The following LRBA variants were observed in gnomAD, a reference collection of about 807,000 sequenced individuals.
LRBA encodes the protein LPS responsive beige-like anchor protein.
In LRBA, 176 loss-of-function variants were observed where a neutral mutation model predicts 330.0. The observed-to-expected ratio is 0.53, with a 90% CI of 0.47 to 0.60. The LOEUF is 0.60. Among genes scored for constraint, LRBA ranks in the 20% least tolerant of loss-of-function variants. LRBA has a pLI of 0.00. For synonymous variants in LRBA, 1,230 were observed against 1,193.0 expected (o/e 1.03, Z -0.64); for missense variants, 3,259 against 3,444.8 (o/e 0.95, Z 1.35).
intron 37 of LRBA, among the ~76,000 whole-genome samples, chr4:150,641,346 A>C (rs1189577196): frequency 6.6e-6 from 1 of 152,044 alleles, no homozygotes; most frequent in Non-Finnish European, 1.5e-5. Context: ...CACTCTCTTC[A>C]TATTCTAACT....
intron 2 of LRBA, among the ~76,000 whole-genome samples, chr4:150,973,295 G>A (rs1471628102): frequency 1.3e-5 from 2 of 152,132 alleles, no homozygotes; most frequent in South Asian, 2.1e-4. Context: ...CGCCTCCCGA[G>A]TAGCTGGGAT....
intron 2 of LRBA, among the ~76,000 whole-genome samples, chr4:150,937,313 A>G (rs1420629969): frequency 6.6e-6 from 1 of 152,132 alleles, no homozygotes; most frequent in Non-Finnish European, 1.5e-5. Flanking sequence ...ATCAACCTTC[A>G]AAACACAAAT....
intron 47 of LRBA, among the ~76,000 whole-genome samples, chr4:150,377,465 C>A (rs565790954): frequency 6.6e-6 from 1 of 151,960 alleles, no homozygotes; most frequent in East Asian, 1.9e-4. Flanking sequence ...ATTAAAGGAC[C>A]CTTATACTAT....
chr4:150,840,870 G>A (rs1748969785), intron 28 of LRBA: 16 of 960,064 alleles, frequency 1.7e-5, no homozygotes, highest in Non-Finnish European at 2.0e-5. Context: ...AGAAACTAAT[G>A]GTAAAAATGA....
chr4:150,906,181 G>A (rs1384442861), intron 12 of LRBA, 116 bp downstream of exon 12: 6 of 834,066 alleles, frequency 7.2e-6, no homozygotes, highest in African/African-American at 6.8e-5. Context: ...TTTTAGTTTA[G>A]GTAATTTTCT....
At chr4:150,667,616 C>T (rs1195233253) in intron 37 of LRBA, among the ~76,000 whole-genome samples, 2 of 152,078 alleles carry the variant, frequency 1.3e-5, no homozygotes, top group African/African-American at 4.8e-5. Flanking sequence ...GGTAGGGTCC[C>T]TTAGTCAGTA....
chr4:150,877,501 C>A (rs1248473886), intron 17 of LRBA, among the ~76,000 whole-genome samples: 2 of 152,068 alleles, frequency 1.3e-5, no homozygotes, highest in East Asian at 1.9e-4. Context: ...TATATATGCA[C>A]CCAATAGTAG....
chr4:150,545,795 G>A (rs1255702037), intron 40 of LRBA, among the ~76,000 whole-genome samples: 1 of 152,106 alleles, frequency 6.6e-6, no homozygotes, highest in Non-Finnish European at 1.5e-5. Flanking sequence ...TTTAACTCAT[G>A]CTAGGAAAGT....
intron 2 of LRBA, among the ~76,000 whole-genome samples, chr4:150,933,892 G>T (rs1734779143): frequency 6.6e-6 from 1 of 151,964 alleles, no homozygotes; most frequent in Non-Finnish European, 1.5e-5. Context: ...GGGTGTGGTG[G>T]CATGTGGCTG....
intron 34 of LRBA, among the ~76,000 whole-genome samples, chr4:150,790,133 T>C (rs188853235): frequency 8.0e-4 from 122 of 152,298 alleles, no homozygotes; most frequent in Admixed American, 5.2e-3. Flanking sequence ...AAGTGCCAGT[T>C]GATATTACTT....
rs188000514 is a variant in LRBA at position 150,900,220 on chromosome 4, A to G, written c.1756-3T>C. ...TAAGTATAGAGCATCAGTTGAACCT[A>G]CAGAATAAAAATGAAGAACTTAGAG... On this transcript the variant is annotated splice_region_variant and splice_polypyrimidine_tract_variant and intron_variant, in intron 13 of 56. Transcript: ENST00000651943. The G allele has an allele frequency of 8.1e-6, 13 of 1,601,542 alleles. No homozygotes were observed. The highest frequency in any genetic ancestry group is 2.7e-5 in the African/African-American group (2 of 74,684).
intron 47 of LRBA, among the ~76,000 whole-genome samples, chr4:150,406,155 A>G (rs560777068): frequency 1.3e-5 from 2 of 152,158 alleles, no homozygotes; most frequent in East Asian, 3.8e-4. Flanking sequence ...TAGACCAGAA[A>G]TATTATTTAA....
intron 24 of LRBA, 45 bp downstream of exon 24, chr4:150,850,676 TAAA>T (rs765622995): frequency 8.8e-7 from 1 of 1,138,254 alleles, no homozygotes; most frequent in Non-Finnish European, 1.2e-6. Flanking sequence ...TCTTTGAAAA[TAAA>T]GACTAGGTTT....
At chr4:150,386,273 G>A (rs536690810) in intron 47 of LRBA, among the ~76,000 whole-genome samples, 8 of 151,968 alleles carry the variant, frequency 5.3e-5, no homozygotes, top group Non-Finnish European at 8.8e-5. Context: ...TTTCATTAAT[G>A]TTTTCTAAAT....
rs117382726 is a variant in LRBA, at chr4:150,815,960, T to C, written c.5305+1164A>G. Reference sequence around the variant, plus strand: ...TACATTTAAAACTTCTTATAAAATGTATTTTTGTTAACACAAGCACAATAA... The same window carrying C: ...TACATTTAAAACTTCTTATAAAATGCATTTTTGTTAACACAAGCACAATAA... On this transcript the variant is annotated intron_variant, in intron 31 of 56. Coordinates refer to ENST00000651943, the MANE Select transcript of LRBA (RefSeq NM_001364905.1). Among the ~76,000 whole-genome samples the C allele has an allele frequency of 1.9e-4, 29 of 152,126 alleles. 1 individual carries two copies. In the East Asian group the frequency reaches 5.4e-3, roughly 28 times the overall value.
At chr4:150,977,533 C>G (rs1042411861) in intron 2 of LRBA, among the ~76,000 whole-genome samples, 2 of 152,148 alleles carry the variant, frequency 1.3e-5, no homozygotes, top group African/African-American at 4.8e-5. Flanking sequence ...GGGTGAGACT[C>G]TGAAACGTGC....
intron 13 of LRBA, among the ~76,000 whole-genome samples, chr4:150,900,926 TA>T (rs1730653997): frequency 6.6e-6 from 1 of 152,164 alleles, no homozygotes; most frequent in Non-Finnish European, 1.5e-5. Context: ...ATGTTTATAT[TA>T]ACTTCGAAAT....
At chr4:150,924,526 A>T (rs1733678783) in intron 4 of LRBA, among the ~76,000 whole-genome samples, 1 of 152,140 alleles carries the variant, frequency 6.6e-6, no homozygotes, top group African/African-American at 2.4e-5. Flanking sequence ...AGAAAAAGAA[A>T]GAGGAAAAGA....
chr4:150,796,575 C>CAGT (rs1740820926), intron 34 of LRBA, among the ~76,000 whole-genome samples: 1 of 151,874 alleles, frequency 6.6e-6, no homozygotes, highest in Admixed American at 6.6e-5. Context: ...TAGTATTAAA[C>CAGT]AGTACTGTGA....
Sources: gnomAD v4.1 joint callset for allele counts (sites outside exome capture counted in the v4.1 genomes callset) on GRCh38, gnomAD v4.1.1 for gene constraint, MANE v1.5 for transcripts, NCBI Gene and HGNC (gene_info 2026-07-23, HGNC 2026-07-21) for gene names.